The following PLPPR2 variants were observed in gnomAD, a reference collection of about 807,000 sequenced individuals.
The protein encoded by PLPPR2 is phospholipid phosphatase related 2, also known as phospholipid phosphatase-related protein type 2.
In PLPPR2, 11 loss-of-function variants were observed where a neutral mutation model predicts 40.3. The ratio of observed to expected loss-of-function variants is 0.27; its 90% CI spans 0.17 to 0.45. The LOEUF (loss-of-function observed/expected upper bound fraction) is 0.45. PLPPR2 is among the 20% of genes least tolerant of loss of function. The probability of loss-of-function intolerance (pLI) is 1.00; values close to 1 mark genes in which losing one functional copy is unlikely to be tolerated. For missense variants in PLPPR2, 497 were observed against 640.7 expected (o/e 0.78, Z 2.42); for synonymous variants, 260 against 290.8 (o/e 0.89, Z 1.08).
intron 3 of PLPPR2, 103 bp downstream of exon 3, chr19:11,357,842 C>T: frequency 1.1e-6 from 1 of 875,388 alleles, no homozygotes; most frequent in Non-Finnish European, 1.7e-6. Context: ...TGGGATCTCC[C>T]TTGCTGTCCC....
intron 2 of PLPPR2, 117 bp downstream of exon 2, chr19:11,357,093 T>A (rs1967907712): frequency 6.6e-6 from 1 of 151,514 alleles, no homozygotes; most frequent in Non-Finnish European, 1.5e-5. Context: ...GCAGACCGGC[T>A]GGGAAGAGGG....
Position 11,363,522 on chromosome 19 carries a change from G to T in PLPPR2, c.841-191G>T, listed in dbSNP as rs1454607289. Reference sequence around the variant, plus strand: ...TCTTACTTACTTTAGCCTAGTGTGGGGTCTGTGGGATAAATAATAATTGCA... The same window carrying T: ...TCTTACTTACTTTAGCCTAGTGTGGTGTCTGTGGGATAAATAATAATTGCA... On this transcript the variant is annotated intron_variant, in intron 7 of 9. Coordinates refer to ENST00000688289, the MANE Select transcript of PLPPR2 (RefSeq NM_001393892.1). This position sits in a 1 kb window ranked among gnomAD's most constrained non-coding sequence, Gnocchi z 4.8. Among the ~76,000 whole-genome samples, 1 of 152,162 alleles carries T rather than the reference G, an allele frequency of 6.6e-6. No individual in the cohort carries two copies. The highest frequency in any genetic ancestry group is 2.4e-5 in the African/African-American group (1 of 41,454).
At position 11,364,306 on chromosome 19, in the gene PLPPR2, C is replaced by T. The variant is rs376003085; in HGVS notation, c.1016-41C>T. 311 of 1,524,910 alleles carry T rather than the reference C, an allele frequency of 2.0e-4. No individual in the cohort carries two copies. The highest frequency in any genetic ancestry group is 2.5e-4 in the Non-Finnish European group (288 of 1,136,354). 94.5% of individuals were successfully genotyped at this position (1,524,910 alleles called of 1,614,324 possible). On this transcript the variant is annotated intron_variant, in intron 9 of 9. Transcript: ENST00000688289. This position sits in a 1 kb window ranked among gnomAD's most constrained non-coding sequence, Gnocchi z 5.8. ...TCACCTAGGCCTTTATGCTGCCTCC[C>T]GAGTTTTCTGATCCCCTGATATCTG...
chr19:11,358,200 G>A (rs952077466), intron 3 of PLPPR2, among the ~76,000 whole-genome samples: 6 of 152,114 alleles, frequency 3.9e-5, no homozygotes, highest in Admixed American at 3.3e-4. Flanking sequence ...GACTACAGGT[G>A]TGTGCCATCA....
Position 11,359,984 on chromosome 19 carries a change from C to G in PLPPR2, c.391+28C>G. The G allele has an allele frequency of 6.4e-7, 1 of 1,573,046 alleles. No individual in the cohort carries two copies. The highest frequency in any genetic ancestry group is 8.6e-7 in the Non-Finnish European group (1 of 1,157,644). On this transcript the variant is annotated intron_variant, in intron 5 of 9. Transcript: ENST00000688289. The surrounding 1 kb of genome is among the most constrained non-coding windows in gnomAD (Gnocchi z 5.6). ...GAGAGACATGGCCTGGGGTCAGCCCCATGGTAATGGTGGGGAGGTGGGTAT... is the reference window on the plus strand; with the variant it reads ...GAGAGACATGGCCTGGGGTCAGCCCGATGGTAATGGTGGGGAGGTGGGTAT...
In PLPPR2 at chr19:11,362,707, C is replaced by A; in HGVS notation, c.840+18C>A. 1 of 1,605,144 alleles carries A rather than the reference C, an allele frequency of 6.2e-7. No homozygotes were observed. The highest frequency in any genetic ancestry group is 8.5e-7 in the Non-Finnish European group (1 of 1,174,774). ...CCTTTTTGGTGAGTTGCCTCCTCAA[C>A]CTTCCCAGCATGGAAGACCCTCACC... On this transcript the variant is annotated intron_variant, in intron 7 of 9. Coordinates refer to ENST00000688289, the MANE Select transcript of PLPPR2 (RefSeq NM_001393892.1). The surrounding 1 kb of genome is among the most constrained non-coding windows in gnomAD (Gnocchi z 5.3).
rs1968053341 is a variant in PLPPR2, at chr19:11,361,784, C to G, written c.663+296C>G. On this transcript the variant is annotated intron_variant, in intron 6 of 9. Coordinates refer to ENST00000688289, the MANE Select transcript of PLPPR2 (RefSeq NM_001393892.1). The surrounding 1 kb of genome is among the most constrained non-coding windows in gnomAD (Gnocchi z 6.3). ...CTACCCTATGGCATCAGGACAGTCC[C>G]TGATGTGCAAGACTCGGAACCCCTA... Among the ~76,000 whole-genome samples, 3 of 151,696 alleles carry G rather than the reference C, an allele frequency of 2.0e-5. No homozygotes were observed. The highest frequency in any genetic ancestry group is 4.9e-5 in the African/African-American group (2 of 41,232).
At chr19:11,358,413 C>A (rs943111818) in intron 3 of PLPPR2, among the ~76,000 whole-genome samples, 7 of 152,112 alleles carry the variant, frequency 4.6e-5, no homozygotes, top group African/African-American at 1.7e-4. Flanking sequence ...TTGGTACGAC[C>A]CCCTGCCCAC....
rs1432944529 is a variant in PLPPR2, at chr19:11,364,276, A to C, written c.1015+64A>C. On this transcript the variant is annotated intron_variant, in intron 9 of 9. Coordinates refer to ENST00000688289, the MANE Select transcript of PLPPR2 (RefSeq NM_001393892.1). The surrounding 1 kb of genome is among the most constrained non-coding windows in gnomAD (Gnocchi z 5.8). ...TCCAGGTGGGCAGCCACTGCCCCAG[A>C]GGTCTCACCTAGGCCTTTATGCTGC... 4 of 1,570,258 alleles carry C rather than the reference A, an allele frequency of 2.5e-6. No homozygotes were observed. The African/African-American group carries it at 5.5e-5, about 21-fold the overall frequency.
In PLPPR2 at chr19:11,364,885, G is replaced by C; in HGVS notation, c.*195G>C. 1 of 671,216 alleles carries C rather than the reference G, an allele frequency of 1.5e-6. No homozygotes were observed. The highest frequency in any genetic ancestry group is 2.5e-6 in the Non-Finnish European group (1 of 397,018). The allele number at this position is 671,216 out of a possible 1,614,324, so 41.6% of individuals were successfully genotyped here. ...TGAGATATCCCGATGGGCACAAATG[G>C]AAGGTGCGCACTTGCCCCTACTATT... On this transcript the variant is annotated 3_prime_UTR_variant, in exon 10 of 10. Coordinates refer to ENST00000688289, the MANE Select transcript of PLPPR2 (RefSeq NM_001393892.1). This position sits in a 1 kb window ranked among gnomAD's most constrained non-coding sequence, Gnocchi z 5.8.
chr19:11,359,840 C>T lies in PLPPR2; in HGVS notation c.275C>T (p.Ala92Val), dbSNP rs745777912. ...PTLTILLGELARAFFPAPPSA... is the reference protein window; with the variant it reads ...PTLTILLGELVRAFFPAPPSA... ...CCACAGATCCTGCTGGGAGAGCTGG[C>T]GCGTGCCTTTTTCCCTGCACCACCT... The change falls in exon 5 of 10, where the codon GCG becomes GTG. Residue 92 changes from alanine to valine, a missense_variant. Transcript: ENST00000688289. The surrounding 1 kb of genome is among the most constrained non-coding windows in gnomAD (Gnocchi z 5.6). The T allele has an allele frequency of 1.4e-5, 22 of 1,612,546 alleles. No homozygotes were observed. The highest frequency in any genetic ancestry group is 6.7e-5 in the Admixed American group (4 of 59,892).
chr19:11,364,447 G>A lies in PLPPR2; in HGVS notation c.1116G>A (p.Leu372=), dbSNP rs763168466. ...CSSPRVPRPR[L]RSEPTPLPLP... ...CGCCCCGTGTGCCCCGTCCTCGATT[G>A]AGGTCTGAGCCGACGCCCTTGCCCC... Residue 372 remains leucine (L), a synonymous_variant, in exon 10 of 10, where the codon TTG becomes TTA. Coordinates refer to ENST00000688289, the MANE Select transcript of PLPPR2 (RefSeq NM_001393892.1). The surrounding 1 kb of genome is among the most constrained non-coding windows in gnomAD (Gnocchi z 5.8). The A allele has an allele frequency of 1.1e-5, 16 of 1,516,582 alleles. No individual in the cohort carries two copies. The African/African-American group carries it at 2.1e-4, about 20-fold the overall frequency. The allele number at this position is 1,516,582 out of a possible 1,614,324, so 93.9% of individuals were successfully genotyped here.
At position 11,357,710 on chromosome 19, in the gene PLPPR2, T is replaced by C. The variant is rs1164011071; in HGVS notation, c.37T>C (p.Ser13Pro). 6.2e-7 allele frequency: 1 copy of C among 1,606,992 alleles called. No homozygotes were observed. Among genetic ancestry groups the C allele is most frequent in the Non-Finnish European group, 8.5e-7 (1 of 1,176,428 alleles). ...GGRPHLKRSF[S>P]IIPCFVFVES... ...GAGACCGCATCTGAAGAGGAGTTTC[T>C]CCATCATCCCCTGCTTTGTCTTCGT... The change falls in exon 3 of 10, where the codon TCC (serine) becomes CCC (proline). Residue 13 changes from serine (S) to proline (P), a missense_variant. Physicochemically the swap from Ser to Pro is moderately conservative, Grantham distance 74. Transcript: ENST00000688289.
At position 11,362,895 on chromosome 19, in the gene PLPPR2, G is replaced by A. The variant is rs1968090287; in HGVS notation, c.840+206G>A. ...GGCCTTGAATGCAAATTTTAAGAGG[G>A]TGCCCAACACTCAGTAATCAAGATT... On this transcript the variant is annotated intron_variant, in intron 7 of 9. Coordinates refer to ENST00000688289, the MANE Select transcript of PLPPR2 (RefSeq NM_001393892.1). This position sits in a 1 kb window ranked among gnomAD's most constrained non-coding sequence, Gnocchi z 5.3. 6.6e-6 allele frequency among the ~76,000 whole-genome samples: 1 copy of A among 152,194 alleles called. No individual in the cohort carries two copies. The highest frequency in any genetic ancestry group is 2.1e-4 in the South Asian group (1 of 4,828).
At chr19:11,358,505 CCT>C (rs888056019) in intron 3 of PLPPR2, among the ~76,000 whole-genome samples, 19 of 152,220 alleles carry the variant, frequency 1.2e-4, no homozygotes, top group East Asian at 3.9e-4. Flanking sequence ...TCCACCTCCC[CCT>C]GTCTGTCTGT....
chr19:11,358,151 C>T (rs1967945757), intron 3 of PLPPR2, among the ~76,000 whole-genome samples: 1 of 152,062 alleles, frequency 6.6e-6, no homozygotes, highest in African/African-American at 2.4e-5. Context: ...ACCTCCTGGG[C>T]TCAAGCAATT....
Position 11,362,702 on chromosome 19 carries a change from C to T in PLPPR2, c.840+13C>T, listed in dbSNP as rs1243756329. On this transcript the variant is annotated intron_variant, in intron 7 of 9. Coordinates refer to ENST00000688289, the MANE Select transcript of PLPPR2 (RefSeq NM_001393892.1). This position sits in a 1 kb window ranked among gnomAD's most constrained non-coding sequence, Gnocchi z 5.3. ...CGCCACCTTTTTGGTGAGTTGCCTC[C>T]TCAACCTTCCCAGCATGGAAGACCC... is the stretch of plus-strand genomic sequence containing the variant. 1.2e-6 allele frequency: 2 copies of T among 1,606,962 alleles called. No individual in the cohort carries two copies. The highest frequency in any genetic ancestry group is 1.7e-5 in the Admixed American group (1 of 59,762).
Position 11,360,612 on chromosome 19 carries a change from G to A in PLPPR2, c.392-605G>A, listed in dbSNP as rs1411195871. On this transcript the variant is annotated intron_variant, in intron 5 of 9. Transcript: ENST00000688289. ...GGAAGAGGGTCCCAGAATGCCATAA[G>A]GAGAGTCTCAGGCACAAAAGAGAGA... Among the ~76,000 whole-genome samples the A allele has an allele frequency of 2.0e-5, 3 of 152,026 alleles. No homozygotes were observed. The East Asian group carries it at 5.8e-4, about 29-fold the overall frequency.
chr19:11,356,528 CAT>C (rs1400431954), intron 1 of PLPPR2, among the ~76,000 whole-genome samples: 3 of 152,028 alleles, frequency 2.0e-5, no homozygotes, highest in African/African-American at 7.2e-5. Context: ...TATGCAGTGA[CAT>C]GTGTTGTGTG....
Sources: gnomAD v4.1 joint callset for allele counts (sites outside exome capture counted in the v4.1 genomes callset) on GRCh38, gnomAD v4.1.1 for gene constraint, Gnocchi (gnomAD v3.1) non-coding constraint, MANE v1.5 for transcripts, NCBI Gene and HGNC (gene_info 2026-07-23, HGNC 2026-07-21) for gene names.